Variants in SPAG16 observed in about 807,000 individuals in gnomAD.
SPAG16 encodes the protein sperm-associated antigen 16 protein.
In SPAG16, 86 loss-of-function variants were observed where a neutral mutation model predicts 80.4. That is an observed-to-expected ratio of 1.07 (90% confidence interval 0.90 to 1.28). The LOEUF (loss-of-function observed/expected upper bound fraction) is 1.28. Among genes scored for constraint, SPAG16 ranks in the 50% most tolerant of loss-of-function variants. The pLI, the probability that SPAG16 is intolerant of heterozygous loss-of-function variation, is 0.00. For synonymous variants in SPAG16, 294 were observed against 265.9 expected, an observed-to-expected ratio of 1.11 and a Z score of -1.03; for missense variants, 870 against 765.3, an observed-to-expected ratio of 1.14 and a Z score of -1.61.
intron 11 of SPAG16, among the ~76,000 whole-genome samples, chr2:213,918,295 G>A (rs1197958623): frequency 1.3e-5 from 2 of 152,168 alleles, no homozygotes; most frequent in Non-Finnish European, 2.9e-5. Flanking sequence ...AATGAGTTGA[G>A]AAGGAATCTC....
intron 9 of SPAG16, among the ~76,000 whole-genome samples, chr2:213,405,997 G>T (rs1044052283): frequency 6.6e-6 from 1 of 152,168 alleles, no homozygotes; most frequent in South Asian, 2.1e-4. Flanking sequence ...TTTACATTTG[G>T]ATAATAAGAA....
chr2:214,097,121 G>A (rs2052643963), intron 13 of SPAG16, among the ~76,000 whole-genome samples: 1 of 151,946 alleles, frequency 6.6e-6, no homozygotes, highest in African/African-American at 2.4e-5. Flanking sequence ...TTTTAAACTT[G>A]GAAACTAAGG....
At chr2:214,361,876 T>A (rs1699207446) in intron 15 of SPAG16, among the ~76,000 whole-genome samples, 1 of 151,918 alleles carries the variant, frequency 6.6e-6, no homozygotes, top group South Asian at 2.1e-4. Flanking sequence ...AAGAGATAAT[T>A]GCGTTATGTT....
chr2:213,438,890 A>T (rs935174782), intron 9 of SPAG16, among the ~76,000 whole-genome samples: 1 of 152,348 alleles, frequency 6.6e-6, no homozygotes. Flanking sequence ...GTAAGAAGGT[A>T]AACATTTATA....
chr2:213,394,205 T>C (rs2067920680), intron 9 of SPAG16, among the ~76,000 whole-genome samples: 1 of 152,106 alleles, frequency 6.6e-6, no homozygotes. Flanking sequence ...TGTTTATTTT[T>C]TCCTTTACCA....
intron 10 of SPAG16, among the ~76,000 whole-genome samples, chr2:213,729,060 A>T (rs1388951923): frequency 2.0e-5 from 3 of 152,146 alleles, no homozygotes; most frequent in Non-Finnish European, 4.4e-5. Context: ...ATTGTTTCAG[A>T]AGTAAAATAC....
chr2:213,640,640 C>T (rs1390639070), intron 10 of SPAG16, among the ~76,000 whole-genome samples: 3 of 152,208 alleles, frequency 2.0e-5, no homozygotes, highest in African/African-American at 7.2e-5. Flanking sequence ...AACCTGCTCT[C>T]ATGGAGGTAG....
intron 15 of SPAG16, among the ~76,000 whole-genome samples, chr2:214,367,691 A>T (rs1223587603): frequency 6.6e-6 from 1 of 152,058 alleles, no homozygotes; most frequent in East Asian, 1.9e-4. Flanking sequence ...AGACAAAATG[A>T]TTTTGCTGTT....
At chr2:213,683,634 A>G (rs960316975) in intron 10 of SPAG16, among the ~76,000 whole-genome samples, 5 of 152,138 alleles carry the variant, frequency 3.3e-5, no homozygotes, top group African/African-American at 7.2e-5. Flanking sequence ...TATCACATTG[A>G]AATACATTCT....
At chr2:214,025,299 A>G (rs1259948019) in intron 13 of SPAG16, among the ~76,000 whole-genome samples, 1 of 151,642 alleles carries the variant, frequency 6.6e-6, no homozygotes, top group Non-Finnish European at 1.5e-5. Context: ...GTCACTTTCA[A>G]GAACTAAGTG....
chr2:214,242,142 T>C (rs1006236312), intron 15 of SPAG16, among the ~76,000 whole-genome samples: 1 of 152,202 alleles, frequency 6.6e-6, no homozygotes, highest in South Asian at 2.1e-4. Context: ...GTCTAATTCT[T>C]ATTTCAACCT....
intron 15 of SPAG16, among the ~76,000 whole-genome samples, chr2:214,217,347 A>T (rs542458125): frequency 7.2e-5 from 11 of 152,182 alleles, no homozygotes; most frequent in Non-Finnish European, 1.5e-4. Flanking sequence ...ATTTTAATTG[A>T]CTTGGGGAAA....
At chr2:213,345,645 C>T (rs1449603121) in intron 6 of SPAG16, among the ~76,000 whole-genome samples, 3 of 139,270 alleles carry the variant, frequency 2.2e-5, no homozygotes, top group Non-Finnish European at 3.1e-5. Context: ...GGAATCCTTT[C>T]CCCATTGCTT....
chr2:214,299,335 C>T (rs1694382222), intron 15 of SPAG16, among the ~76,000 whole-genome samples: 1 of 149,306 alleles, frequency 6.7e-6, no homozygotes, highest in African/African-American at 2.5e-5. Context: ...ACTTCAACCT[C>T]CACCTCCAGG....
At chr2:213,331,189 G>A (rs1009107335) in intron 5 of SPAG16, among the ~76,000 whole-genome samples, 2 of 152,172 alleles carry the variant, frequency 1.3e-5, no homozygotes, top group African/African-American at 4.8e-5. Context: ...TCAGAAGTAG[G>A]CACTGGTTTG....
chr2:213,783,317 TAAAA>T lies in SPAG16; in HGVS notation c.1071-79154_1071-79151del, dbSNP rs11362970. Among the ~76,000 whole-genome samples, 582 of 145,988 alleles carry T rather than the reference TAAAA, an allele frequency of 4.0e-3. 2 individuals carry two copies. The highest frequency in any genetic ancestry group is 0.013 in the African/African-American group (527 of 39,648). ...ATGTACCCTAAAACTTAGAGTATAATAAAAAAAAAAAAAAAAATCTTAATGACTT... is the reference window on the plus strand; with the variant it reads ...ATGTACCCTAAAACTTAGAGTATAATAAAAAAAAAAAAATCTTAATGACTT... On this transcript the variant is annotated intron_variant, in intron 10 of 15. Coordinates refer to ENST00000331683, the MANE Select transcript of SPAG16 (RefSeq NM_024532.5).
intron 10 of SPAG16, among the ~76,000 whole-genome samples, chr2:213,638,813 G>A (rs2062471054): frequency 6.6e-6 from 1 of 152,110 alleles, no homozygotes; most frequent in Non-Finnish European, 1.5e-5. Context: ...TTTCTGTCTT[G>A]ATGACCTGTC....
At chr2:214,163,159 T>C (rs1201611648) in intron 15 of SPAG16, among the ~76,000 whole-genome samples, 4 of 152,106 alleles carry the variant, frequency 2.6e-5, no homozygotes, top group Non-Finnish European at 5.9e-5. Context: ...TGTTTCCAGA[T>C]ACATATATAT....
At chr2:214,041,582 T>A (rs2049011195) in intron 13 of SPAG16, among the ~76,000 whole-genome samples, 1 of 151,908 alleles carries the variant, frequency 6.6e-6, no homozygotes. Context: ...GTCTTCCAAT[T>A]GTATTGTATT....
Sources: gnomAD v4.1 joint callset for allele counts (sites outside exome capture counted in the v4.1 genomes callset) on GRCh38, gnomAD v4.1.1 for gene constraint, MANE v1.5 for transcripts, NCBI Gene and HGNC (gene_info 2026-07-23, HGNC 2026-07-21) for gene names.